The following LRP1B variants were observed in gnomAD, a reference collection of about 807,000 sequenced individuals.
LRP1B encodes the protein low-density lipoprotein receptor-related protein 1B.
Under a neutral mutation model 556.6 loss-of-function variants are expected in LRP1B, and 217 were observed. The observed-to-expected ratio is 0.39, with a 90% CI of 0.35 to 0.44. The LOEUF (loss-of-function observed/expected upper bound fraction) is 0.44, where lower values mean the gene tolerates loss of function less well. Among genes scored for constraint, LRP1B ranks in the 20% least tolerant of loss-of-function variants. The pLI is 1.00. For synonymous variants in LRP1B, 2,047 were observed against 1,865.8 expected, an observed-to-expected ratio of 1.10 and a Z score of -2.50; for missense variants, 5,053 against 5,620.8, an observed-to-expected ratio of 0.90 and a Z score of 3.23.
At chr2:141,585,980 G>A (rs138199310) in intron 2 of LRP1B, among the ~76,000 whole-genome samples, 1,638 of 151,884 alleles carry the variant, frequency 0.011, 14 homozygotes, top group Middle Eastern at 0.027. Context: ...AGTCTGCCAA[G>A]TTGCTGGGAT....
intron 12 of LRP1B, among the ~76,000 whole-genome samples, chr2:141,018,127 AG>A (rs1697960847): frequency 6.6e-6 from 1 of 152,060 alleles, no homozygotes; most frequent in African/African-American, 2.4e-5. Context: ...TATTTTTTCT[AG>A]GTGGGACTCC....
chr2:140,845,603 T>C (rs1361475043), intron 29 of LRP1B, among the ~76,000 whole-genome samples: 1 of 151,974 alleles, frequency 6.6e-6, no homozygotes. Flanking sequence ...CATAAATTAT[T>C]ATATGTAGGA....
intron 2 of LRP1B, among the ~76,000 whole-genome samples, chr2:141,767,795 C>T: frequency 6.6e-6 from 1 of 152,066 alleles, no homozygotes; most frequent in East Asian, 1.9e-4. Context: ...GAAAATTAAA[C>T]AGAAATTTCA....
At chr2:141,610,866 C>T (rs1688084668) in intron 2 of LRP1B, among the ~76,000 whole-genome samples, 1 of 152,172 alleles carries the variant, frequency 6.6e-6, no homozygotes, top group Non-Finnish European at 1.5e-5. Context: ...CAGACTATAA[C>T]TGTATTATTT....
At chr2:141,902,738 A>T (rs1403018451) in intron 1 of LRP1B, among the ~76,000 whole-genome samples, 1 of 152,006 alleles carries the variant, frequency 6.6e-6, no homozygotes, top group Non-Finnish European at 1.5e-5. Flanking sequence ...AGAGTTCTCC[A>T]TGTTAACTTC....
intron 66 of LRP1B, among the ~76,000 whole-genome samples, chr2:140,425,586 T>C (rs1685619098): frequency 6.6e-6 from 1 of 152,114 alleles, no homozygotes; most frequent in African/African-American, 2.4e-5. Context: ...AATTTTTGCA[T>C]TTTTAGTAGA....
intron 1 of LRP1B, among the ~76,000 whole-genome samples, chr2:141,818,531 C>CTTTTTTTTTTTTTTTTTTTTTTTTTTTT (rs70994453): frequency 1.2e-5 from 1 of 82,070 alleles, no homozygotes; most frequent in Non-Finnish European, 2.1e-5. Flanking sequence ...ATTTCTGTAT[C>CTTTTTTTTTTTTTTTTTTTTTTTTTTTT]TTTTTTTTTT....
chr2:140,555,315 ATG>A (rs1487394048), intron 43 of LRP1B, among the ~76,000 whole-genome samples: 1 of 152,064 alleles, frequency 6.6e-6, no homozygotes, highest in Non-Finnish European at 1.5e-5. Flanking sequence ...GTGTCTTTCA[ATG>A]TGTTTGCATG....
intron 2 of LRP1B, among the ~76,000 whole-genome samples, chr2:141,517,994 A>G (rs1346920229): frequency 6.6e-6 from 1 of 152,206 alleles, no homozygotes; most frequent in East Asian, 1.9e-4. Context: ...ACTAGAAATG[A>G]GGAGATAAGC....
At chr2:140,621,186 C>A (rs1683436791) in intron 41 of LRP1B, among the ~76,000 whole-genome samples, 1 of 151,300 alleles carries the variant, frequency 6.6e-6, no homozygotes, top group East Asian at 1.9e-4. Context: ...TCGAGACCAT[C>A]CTGGCTAACA....
chr2:141,112,334 T>G (rs1352116225), intron 7 of LRP1B, among the ~76,000 whole-genome samples: 1 of 152,208 alleles, frequency 6.6e-6, no homozygotes, highest in Non-Finnish European at 1.5e-5. Context: ...GCTTTCATAC[T>G]GTGAATGTTT....
chr2:142,027,699 G>C (rs143642139), intron 1 of LRP1B, among the ~76,000 whole-genome samples: 38 of 138,300 alleles, frequency 2.7e-4, no homozygotes, highest in East Asian at 5.2e-4. Context: ...CACACACACA[G>C]AGATAAAGTA....
intron 3 of LRP1B, among the ~76,000 whole-genome samples, chr2:141,422,058 T>G (rs967638124): frequency 2.0e-5 from 3 of 152,118 alleles, no homozygotes; most frequent in Admixed American, 2.0e-4. Flanking sequence ...CAGGAAACAG[T>G]TTTTTATGAA....
At chr2:140,750,865 C>A (rs1688551120) in intron 35 of LRP1B, among the ~76,000 whole-genome samples, 1 of 152,052 alleles carries the variant, frequency 6.6e-6, no homozygotes, top group African/African-American at 2.4e-5. Context: ...TCTTAGATGT[C>A]TTGAAATGCT....
At chr2:140,591,367 A>T (rs1682217031) in intron 43 of LRP1B, among the ~76,000 whole-genome samples, 1 of 152,172 alleles carries the variant, frequency 6.6e-6, no homozygotes, top group Admixed American at 6.6e-5. Context: ...TTATGCTGAC[A>T]GTTAGGTACT....
intron 7 of LRP1B, among the ~76,000 whole-genome samples, chr2:141,098,853 C>T (rs1700388847): frequency 6.6e-6 from 1 of 152,152 alleles, no homozygotes; most frequent in South Asian, 2.1e-4. Flanking sequence ...TATGGAGTTT[C>T]TCCATGTTGG....
chr2:140,314,789 C>T, intron 83 of LRP1B, 146 bp downstream of exon 83: 3 of 574,712 alleles, frequency 5.2e-6, no homozygotes, highest in Non-Finnish European at 8.3e-6. Context: ...GAACAAATGC[C>T]ATTGATTTAA....
At chr2:141,084,190 C>A (rs1293243469) in intron 7 of LRP1B, among the ~76,000 whole-genome samples, 1 of 152,060 alleles carries the variant, frequency 6.6e-6, no homozygotes. Context: ...TTAAATAGAT[C>A]TGTTCATGGA....
At chr2:142,067,298 T>C (rs1705142819) in intron 1 of LRP1B, among the ~76,000 whole-genome samples, 2 of 151,464 alleles carry the variant, frequency 1.3e-5, no homozygotes, top group South Asian at 4.2e-4. Flanking sequence ...AGGACCCAGA[T>C]ATCTTTGAGG....
Sources: allele counts gnomAD v4.1 joint callset (sites outside exome capture counted in the v4.1 genomes callset), GRCh38; gene constraint gnomAD v4.1.1; transcripts MANE v1.5; gene names NCBI Gene and HGNC (gene_info 2026-07-23, HGNC 2026-07-21).